SPAG16: variants seen among roughly 807,000 people sequenced by gnomAD.
SPAG16 encodes sperm-associated antigen 16 protein.
Under a neutral mutation model 80.4 loss-of-function variants are expected in SPAG16, and 86 were observed. The ratio of observed to expected loss-of-function variants is 1.07; its 90% CI spans 0.90 to 1.28. The LOEUF is 1.28. SPAG16 is among the 50% of genes most tolerant of loss of function. The probability of loss-of-function intolerance (pLI) is 0.00; values close to 1 mark genes in which losing one functional copy is unlikely to be tolerated. For missense variants in SPAG16, 870 were observed against 765.3 expected (o/e 1.14, Z -1.61); for synonymous variants, 294 against 265.9 (o/e 1.11, Z -1.03).
intron 10 of SPAG16, among the ~76,000 whole-genome samples, chr2:213,829,586 C>T (rs988172913): frequency 2.0e-5 from 3 of 152,144 alleles, no homozygotes; most frequent in African/African-American, 7.2e-5. Flanking sequence ...TTTCTAGCCA[C>T]CACAGCTGTG....
intron 10 of SPAG16, among the ~76,000 whole-genome samples, chr2:213,516,621 A>C (rs1047420827): frequency 5.9e-5 from 9 of 152,190 alleles, no homozygotes; most frequent in Non-Finnish European, 1.2e-4. Context: ...TCCAGAAGTA[A>C]AGACAGTCTC....
At position 213,914,981 on chromosome 2, in the gene SPAG16, G is replaced by A. The variant is rs2106183847; in HGVS notation, c.1215-14979G>A. Among the ~76,000 whole-genome samples, 2 of 152,224 alleles carry A rather than the reference G, an allele frequency of 1.3e-5. 1 individual carries two copies. Among genetic ancestry groups the A allele is most frequent in the South Asian group, 4.1e-4 (2 of 4,824 alleles). ...CTGATAAAGAAATACCCGAGACTAG[G>A]TATTTTATAAAGGAAAGAGGTTTAA... On this transcript the variant is annotated intron_variant, in intron 11 of 15. Transcript: ENST00000331683.
At chr2:213,765,594 CGTGT>C (rs34788311) in intron 10 of SPAG16, among the ~76,000 whole-genome samples, 1 of 150,178 alleles carries the variant, frequency 6.7e-6, no homozygotes, top group Admixed American at 6.6e-5. Context: ...CACAATGTCA[CGTGT>C]GTGTGTGTGT....
intron 9 of SPAG16, among the ~76,000 whole-genome samples, chr2:213,456,002 C>G (rs2071987906): frequency 6.6e-6 from 1 of 152,296 alleles, no homozygotes; most frequent in Admixed American, 6.5e-5. Flanking sequence ...TAAGCTTGTC[C>G]ATTCCCCAAC....
intron 10 of SPAG16, among the ~76,000 whole-genome samples, chr2:213,838,274 C>T (rs2556322): frequency 2.0e-5 from 3 of 152,094 alleles, no homozygotes; most frequent in African/African-American, 4.8e-5. Context: ...TGGGTTCAAG[C>T]GATTCTCCTG....
intron 3 of SPAG16, among the ~76,000 whole-genome samples, chr2:213,308,456 A>G (rs759539667): frequency 1.3e-5 from 2 of 152,132 alleles, no homozygotes; most frequent in Non-Finnish European, 2.9e-5. Flanking sequence ...ATATTTGCAA[A>G]TACATATCAA....
At chr2:213,609,936 G>T (rs1318699181) in intron 10 of SPAG16, among the ~76,000 whole-genome samples, 13 of 151,820 alleles carry the variant, frequency 8.6e-5, no homozygotes, top group Non-Finnish European at 1.8e-4. Context: ...ATCCCCAGGG[G>T]CACAGAGAAA....
In SPAG16 at chr2:213,681,142, CA is replaced by C. The variant is rs2064357573; in HGVS notation, c.1071-181340del. Among the ~76,000 whole-genome samples the C allele has an allele frequency of 5.9e-5, 9 of 152,232 alleles. 1 individual carries two copies. The South Asian group carries it at 1.9e-3, about 32-fold the overall frequency. On this transcript the variant is annotated intron_variant, in intron 10 of 15. Transcript: ENST00000331683. The stretch of plus-strand genomic sequence containing the variant: ...GGACCTGGAAAGAAAGGAAGGAAAA[CA>C]AAGGGGAAAGAGGATTCTCTATAGG...
chr2:213,371,445 A>G (rs531363578), intron 8 of SPAG16, among the ~76,000 whole-genome samples: 1 of 148,610 alleles, frequency 6.7e-6, no homozygotes, highest in African/African-American at 2.4e-5. Context: ...TTATTGGTTA[A>G]GTGGTTGTTC....
chr2:213,370,385 T>C (rs1246260113), intron 8 of SPAG16, among the ~76,000 whole-genome samples: 1 of 152,222 alleles, frequency 6.6e-6, no homozygotes, highest in African/African-American at 2.4e-5. Flanking sequence ...CTCTGTGTTA[T>C]GTGACTACTT....
chr2:213,303,620 G>A (rs935012515), intron 3 of SPAG16, among the ~76,000 whole-genome samples: 4 of 152,064 alleles, frequency 2.6e-5, no homozygotes, highest in African/African-American at 7.2e-5. Context: ...AAATAAGTGA[G>A]AACATGTGAA....
intron 11 of SPAG16, among the ~76,000 whole-genome samples, chr2:213,920,405 C>A (rs1575554419): frequency 6.6e-6 from 1 of 152,138 alleles, no homozygotes; most frequent in South Asian, 2.1e-4. Context: ...GGTTAGGATG[C>A]ATGCACACAC....
At chr2:213,824,058 A>G (rs1056858686) in intron 10 of SPAG16, among the ~76,000 whole-genome samples, 11 of 152,224 alleles carry the variant, frequency 7.2e-5, no homozygotes, top group African/African-American at 2.7e-4. Flanking sequence ...TTTACATATA[A>G]GTCTTTAATC....
At chr2:214,063,247 T>G (rs2050371034) in intron 13 of SPAG16, among the ~76,000 whole-genome samples, 1 of 152,178 alleles carries the variant, frequency 6.6e-6, no homozygotes, top group Non-Finnish European at 1.5e-5. Context: ...TTCCTTTATA[T>G]TCCTGGAACA....
At chr2:213,654,576 G>T (rs6731608) in intron 10 of SPAG16, among the ~76,000 whole-genome samples, 49,305 of 145,028 alleles carry the variant, frequency 0.34, 8,927 homozygotes, top group Middle Eastern at 0.49. Flanking sequence ...AATTAGCCGG[G>T]TGTGGTGGTG....
At chr2:213,310,257 T>C in intron 4 of SPAG16, 80 bp downstream of exon 4, 1 of 957,518 alleles carries the variant, frequency 1.0e-6, no homozygotes, top group Non-Finnish European at 1.6e-6. Flanking sequence ...TAGGAGACTT[T>C]GAAATGACTC....
chr2:213,466,544 G>T (rs774848139), intron 9 of SPAG16, among the ~76,000 whole-genome samples: 1 of 152,114 alleles, frequency 6.6e-6, no homozygotes, highest in Non-Finnish European at 1.5e-5. Context: ...GTTGTTTGAG[G>T]GTTTGAGGAG....
At chr2:213,352,203 T>C (rs2065371785) in intron 7 of SPAG16, among the ~76,000 whole-genome samples, 1 of 152,036 alleles carries the variant, frequency 6.6e-6, no homozygotes, top group Non-Finnish European at 1.5e-5. Flanking sequence ...CTCTATTCTT[T>C]ATAAAATACC....
At chr2:214,033,236 G>C (rs191816942) in intron 13 of SPAG16, among the ~76,000 whole-genome samples, 1 of 152,162 alleles carries the variant, frequency 6.6e-6, no homozygotes, top group East Asian at 1.9e-4. Flanking sequence ...ATGGGTATGT[G>C]GGTGTGGGCA....
Sources: allele counts gnomAD v4.1 joint callset (sites outside exome capture counted in the v4.1 genomes callset), GRCh38; gene constraint gnomAD v4.1.1; transcripts MANE v1.5; gene names NCBI Gene and HGNC (gene_info 2026-07-23, HGNC 2026-07-21).